UBE2E2: variants seen among roughly 807,000 people sequenced by gnomAD.
UBE2E2 encodes the protein ubiquitin conjugating enzyme E2 E2.
Under a neutral mutation model 24.7 loss-of-function variants are expected in UBE2E2, and 6 were observed. The ratio of observed to expected loss-of-function variants is 0.24; its 90% CI spans 0.13 to 0.48. The LOEUF (loss-of-function observed/expected upper bound fraction) is 0.48. Among genes scored for constraint, UBE2E2 ranks in the 20% least tolerant of loss-of-function variants. The pLI, the probability that UBE2E2 is intolerant of heterozygous loss-of-function variation, is 0.99. For missense variants in UBE2E2, 169 were observed against 245.0 expected (o/e 0.69, Z 2.07); for synonymous variants, 104 against 83.6 (o/e 1.24, Z -1.33).
intron 5 of UBE2E2, among the ~76,000 whole-genome samples, chr3:23,566,336 A>C (rs1696071750): frequency 6.6e-6 from 1 of 152,176 alleles, no homozygotes; most frequent in East Asian, 1.9e-4. Flanking sequence ...TCTCATGGGG[A>C]GTAATGGTGA....
At chr3:23,254,530 T>C (rs1261992439) in intron 3 of UBE2E2, among the ~76,000 whole-genome samples, 1 of 152,170 alleles carries the variant, frequency 6.6e-6, no homozygotes, top group Non-Finnish European at 1.5e-5. Context: ...TGTTGACCAG[T>C]GTGGGAGCTA....
intron 1 of UBE2E2, among the ~76,000 whole-genome samples, chr3:23,205,478 T>C (rs1034867105): frequency 6.6e-6 from 1 of 152,216 alleles, no homozygotes; most frequent in African/African-American, 2.4e-5. Context: ...TACTTTTTCT[T>C]CATAAAAATT....
chr3:23,563,629 T>C (rs969037016), intron 5 of UBE2E2, among the ~76,000 whole-genome samples: 8 of 152,154 alleles, frequency 5.3e-5, no homozygotes, highest in Middle Eastern at 3.2e-3. Flanking sequence ...TTGATGTATT[T>C]CTTCTTTGAA....
At chr3:23,217,425 G>T in intron 3 of UBE2E2, 113 bp downstream of exon 3, 1 of 983,770 alleles carries the variant, frequency 1.0e-6, no homozygotes, top group Non-Finnish European at 1.6e-6. Context: ...AAACATCATT[G>T]TTGTTTGAAC....
chr3:23,320,325 T>A (rs1224110973), intron 3 of UBE2E2, among the ~76,000 whole-genome samples: 1 of 152,244 alleles, frequency 6.6e-6, no homozygotes, highest in Non-Finnish European at 1.5e-5. Context: ...TATATATTAC[T>A]CCACTCTAAT....
At chr3:23,363,655 T>A (rs545653259) in intron 3 of UBE2E2, among the ~76,000 whole-genome samples, 2 of 152,288 alleles carry the variant, frequency 1.3e-5, no homozygotes, top group South Asian at 2.1e-4. Flanking sequence ...AAACAAGTTC[T>A]TACAGACCTA....
intron 3 of UBE2E2, among the ~76,000 whole-genome samples, chr3:23,447,767 A>C (rs1698468102): frequency 6.6e-6 from 1 of 152,206 alleles, no homozygotes; most frequent in Non-Finnish European, 1.5e-5. Flanking sequence ...TTGTGTGATA[A>C]GAAATCACTA....
At chr3:23,581,985 G>T (rs531384797) in intron 5 of UBE2E2, among the ~76,000 whole-genome samples, 13 of 152,244 alleles carry the variant, frequency 8.5e-5, no homozygotes, top group African/African-American at 2.9e-4. Flanking sequence ...TGTCACAGGG[G>T]TTTGATATAC....
chr3:23,313,227 A>G (rs1694460529), intron 3 of UBE2E2, among the ~76,000 whole-genome samples: 1 of 152,036 alleles, frequency 6.6e-6, no homozygotes. Flanking sequence ...TTCGTTTCTT[A>G]CAGTTTTTGT....
intron 3 of UBE2E2, among the ~76,000 whole-genome samples, chr3:23,436,386 G>C (rs13100962): frequency 6.6e-6 from 1 of 152,122 alleles, no homozygotes; most frequent in African/African-American, 2.4e-5. Flanking sequence ...TAGTAATTGA[G>C]TACTTTGCTT....
At chr3:23,448,234 G>A (rs928482174) in intron 3 of UBE2E2, among the ~76,000 whole-genome samples, 3 of 152,164 alleles carry the variant, frequency 2.0e-5, no homozygotes, top group Non-Finnish European at 4.4e-5. Flanking sequence ...CTCTTGCCAC[G>A]AAGCCTTCCA....
At chr3:23,252,904 C>G (rs1236634140) in intron 3 of UBE2E2, among the ~76,000 whole-genome samples, 1 of 152,180 alleles carries the variant, frequency 6.6e-6, no homozygotes, top group Non-Finnish European at 1.5e-5. Context: ...ACTTTCATAT[C>G]TAAATTGATT....
intron 3 of UBE2E2, among the ~76,000 whole-genome samples, chr3:23,333,169 C>A (rs1695113713): frequency 6.6e-6 from 1 of 152,180 alleles, no homozygotes; most frequent in Admixed American, 6.5e-5. Flanking sequence ...GGTTTTCAAA[C>A]TGTGTTCCAG....
chr3:23,344,836 T>A (rs1695503740), intron 3 of UBE2E2, among the ~76,000 whole-genome samples: 2 of 151,162 alleles, frequency 1.3e-5, no homozygotes, highest in South Asian at 4.2e-4. Flanking sequence ...AAAAAAAAAA[T>A]TAAATGTTGT....
intron 3 of UBE2E2, among the ~76,000 whole-genome samples, chr3:23,332,933 C>T (rs1695103774): frequency 6.6e-6 from 1 of 152,128 alleles, no homozygotes; most frequent in Non-Finnish European, 1.5e-5. Context: ...TGGCTGTTAG[C>T]CCTGGAAAAT....
At chr3:23,473,438 G>A (rs1435204777) in intron 3 of UBE2E2, among the ~76,000 whole-genome samples, 2 of 150,796 alleles carry the variant, frequency 1.3e-5, no homozygotes, top group Admixed American at 6.6e-5. Flanking sequence ...AAATTTTTTT[G>A]TAGTATTTCC....
chr3:23,582,809 T>A (rs61518710), intron 5 of UBE2E2, among the ~76,000 whole-genome samples: 131 of 151,774 alleles, frequency 8.6e-4, no homozygotes, highest in African/African-American at 2.9e-3. Context: ...GTTAGATGCG[T>A]AGTTTGCAGA....
At chr3:23,466,467 G>GGAATATTTTGTCCCTTGCA (rs1353105063) in intron 3 of UBE2E2, among the ~76,000 whole-genome samples, 1 of 152,098 alleles carries the variant, frequency 6.6e-6, no homozygotes, top group Non-Finnish European at 1.5e-5. Flanking sequence ...AGCTTATTAG[G>GGAATATTTTGTCCCTTGCA]GAATATTTTG....
chr3:23,313,055 A>C (rs769572843), intron 3 of UBE2E2, among the ~76,000 whole-genome samples: 1 of 152,176 alleles, frequency 6.6e-6, no homozygotes, highest in African/African-American at 2.4e-5. Flanking sequence ...TGAGGAGTAC[A>C]CAGCGTATTC....
Sources: gnomAD v4.1 joint callset for allele counts (sites outside exome capture counted in the v4.1 genomes callset) on GRCh38, gnomAD v4.1.1 for gene constraint, MANE v1.5 for transcripts, NCBI Gene and HGNC (gene_info 2026-07-23, HGNC 2026-07-21) for gene names.